The following RGS6 variants were observed in gnomAD, a reference collection of about 807,000 sequenced individuals.
RGS6 encodes regulator of G protein signaling 6.
Under a neutral mutation model 78.5 loss-of-function variants are expected in RGS6, and 30 were observed. The observed-to-expected ratio is 0.38, with a 90% CI of 0.29 to 0.52. The LOEUF is 0.52. Among genes scored for constraint, RGS6 ranks in the 20% least tolerant of loss-of-function variants. RGS6 has a pLI of 0.85. For missense variants in RGS6, 495 were observed against 609.7 expected, an observed-to-expected ratio of 0.81 and a Z score of 1.98; for synonymous variants, 206 against 206.0, an observed-to-expected ratio of 1.00 and a Z score of 0.00.
At chr14:72,309,393 G>A (rs1171808622) in intron 2 of RGS6, among the ~76,000 whole-genome samples, 1 of 152,144 alleles carries the variant, frequency 6.6e-6, no homozygotes, top group African/African-American at 2.4e-5. Flanking sequence ...GCACATACTC[G>A]GCTCTTAAAT....
intron 2 of RGS6, among the ~76,000 whole-genome samples, chr14:72,054,131 A>C (rs1262063652): frequency 6.6e-6 from 1 of 152,206 alleles, no homozygotes; most frequent in African/African-American, 2.4e-5. Flanking sequence ...TACACCCATC[A>C]TACTGAAGGA....
the RGS6 span, among the ~76,000 whole-genome samples, chr14:71,919,151 T>G: frequency 6.6e-6 from 1 of 152,152 alleles, no homozygotes; most frequent in African/African-American, 2.4e-5. Context: ...CATCCACAGC[T>G]CCCAGCTTCC....
At chr14:72,048,015 C>T (rs1340229617) in intron 2 of RGS6, among the ~76,000 whole-genome samples, 1 of 150,766 alleles carries the variant, frequency 6.6e-6, no homozygotes. Flanking sequence ...TGATGCCCAC[C>T]ATTGAGGTAG....
intron 2 of RGS6, among the ~76,000 whole-genome samples, chr14:72,149,723 T>C (rs2096657178): frequency 6.6e-6 from 1 of 152,192 alleles, no homozygotes; most frequent in Non-Finnish European, 1.5e-5. Context: ...TTCTACTTGC[T>C]GATAAAATAA....
intron 2 of RGS6, among the ~76,000 whole-genome samples, chr14:72,124,484 T>C (rs2096138235): frequency 6.6e-6 from 1 of 152,200 alleles, no homozygotes; most frequent in Non-Finnish European, 1.5e-5. Flanking sequence ...TTTGCTAGGA[T>C]TCTTAACTGC....
chr14:72,522,081 A>G (rs1276439361), intron 15 of RGS6, among the ~76,000 whole-genome samples: 2 of 152,238 alleles, frequency 1.3e-5, no homozygotes, highest in Non-Finnish European at 2.9e-5. Flanking sequence ...CTACCACAAA[A>G]TAGCACACAC....
At chr14:72,309,696 T>G (rs938358566) in intron 2 of RGS6, among the ~76,000 whole-genome samples, 1 of 152,286 alleles carries the variant, frequency 6.6e-6, no homozygotes, top group African/African-American at 2.4e-5. Context: ...TTTTAAGCTC[T>G]GTGCTCTTTT....
chr14:72,230,838 A>G (rs750962384), intron 2 of RGS6, among the ~76,000 whole-genome samples: 6 of 152,106 alleles, frequency 3.9e-5, no homozygotes, highest in Non-Finnish European at 7.4e-5. Flanking sequence ...GCTGCTAACC[A>G]CATCAATCAA....
At chr14:72,298,641 G>A (rs1398161531) in intron 2 of RGS6, among the ~76,000 whole-genome samples, 1 of 151,694 alleles carries the variant, frequency 6.6e-6, no homozygotes, top group Non-Finnish European at 1.5e-5. Context: ...GTAGAGACGG[G>A]GTTTCACCGT....
intron 3 of RGS6, among the ~76,000 whole-genome samples, chr14:72,441,699 G>T (rs1179783227): frequency 6.6e-6 from 1 of 152,242 alleles, no homozygotes; most frequent in Non-Finnish European, 1.5e-5. Context: ...GTCCTGTGGT[G>T]GCATCAGACC....
At chr14:72,117,993 A>G (rs1370463726) in intron 2 of RGS6, among the ~76,000 whole-genome samples, 6 of 152,148 alleles carry the variant, frequency 3.9e-5, no homozygotes, top group Non-Finnish European at 4.4e-5. Context: ...ATCCAAAGTT[A>G]TCAACTAATA....
At chr14:72,028,078 A>G (rs1259368493) in intron 2 of RGS6, among the ~76,000 whole-genome samples, 1 of 152,038 alleles carries the variant, frequency 6.6e-6, no homozygotes, top group Non-Finnish European at 1.5e-5. Flanking sequence ...TACAAAGCCA[A>G]CCTTGCAGTT....
At chr14:72,507,166 C>T (rs1005846267) in intron 13 of RGS6, among the ~76,000 whole-genome samples, 1 of 152,070 alleles carries the variant, frequency 6.6e-6, no homozygotes, top group African/African-American at 2.4e-5. Context: ...GAGACTCCAT[C>T]TCAAACAAAA....
Position 72,025,447 on chromosome 14 carries a change from A to T in RGS6, c.84+60572A>T, listed in dbSNP as rs530496826. 2.0e-5 allele frequency among the ~76,000 whole-genome samples: 3 copies of T among 152,276 alleles called. No homozygotes were observed. In the South Asian group the frequency reaches 6.2e-4, roughly 32 times the overall value. ...TCACCTAAAATATCTCCAGGCATAA[A>T]AGATATTAATGTTGGGAATATCAGG... On this transcript the variant is annotated intron_variant, in intron 2 of 17. Transcript: ENST00000553525.
intron 1 of RGS6, among the ~76,000 whole-genome samples, chr14:71,944,871 G>T (rs555280668): frequency 2.0e-5 from 3 of 152,276 alleles, no homozygotes; most frequent in Admixed American, 6.5e-5. Context: ...GTACACCTAG[G>T]CCATGTGGTA....
At chr14:72,266,018 C>G (rs1478266496) in intron 2 of RGS6, among the ~76,000 whole-genome samples, 1 of 151,982 alleles carries the variant, frequency 6.6e-6, no homozygotes, top group Non-Finnish European at 1.5e-5. Context: ...CTATAGCAAA[C>G]TATCCCCAAA....
the RGS6 span, among the ~76,000 whole-genome samples, chr14:72,583,062 C>T: frequency 6.6e-6 from 1 of 152,272 alleles, no homozygotes; most frequent in African/African-American, 2.4e-5. Flanking sequence ...TGAACTGGGA[C>T]ACTCTTCTCC....
rs183609215 is a variant in RGS6, at chr14:72,396,366, C to T, written c.184+44172C>T. ...GAGAAGTGTCTGTTCATATCCTTCA[C>T]CCACTTTTTGATGGGGTTGTTTGTT... On this transcript the variant is annotated intron_variant, in intron 3 of 17. Coordinates refer to ENST00000553525, the MANE Select transcript of RGS6 (RefSeq NM_001204424.2). Among the ~76,000 whole-genome samples the T allele has an allele frequency of 9.5e-4, 144 of 152,262 alleles. 1 individual carries two copies. The highest frequency in any genetic ancestry group is 3.3e-3 in the African/African-American group (137 of 41,554).
chr14:72,326,617 G>A (rs1406004355), intron 2 of RGS6, among the ~76,000 whole-genome samples: 3 of 152,190 alleles, frequency 2.0e-5, no homozygotes, highest in Admixed American at 6.5e-5. Flanking sequence ...CTCCCCAGAA[G>A]CAGATGCCAG....
Sources: allele counts gnomAD v4.1 joint callset (sites outside exome capture counted in the v4.1 genomes callset), GRCh38; gene constraint gnomAD v4.1.1; transcripts MANE v1.5; gene names NCBI Gene and HGNC (gene_info 2026-07-23, HGNC 2026-07-21).